RBFOX1: variants seen among roughly 807,000 people sequenced by gnomAD.
RBFOX1 encodes RNA binding protein fox-1 homolog 1.
RBFOX1 carries 8 observed loss-of-function variants against 57.7 expected under a neutral mutation model. The ratio of observed to expected loss-of-function variants is 0.14; its 90% CI spans 0.08 to 0.25. RBFOX1 has a LOEUF of 0.25. Among genes scored for constraint, RBFOX1 ranks in the 10% least tolerant of loss-of-function variants. RBFOX1 has a pLI of 1.00. For synonymous variants in RBFOX1, 326 were observed against 222.4 expected (o/e 1.47, Z -4.15); for missense variants, 611 against 548.5 (o/e 1.11, Z -1.14).
At chr16:6,086,116 T>A (rs1277743201) in intron 1 of RBFOX1, among the ~76,000 whole-genome samples, 1 of 152,172 alleles carries the variant, frequency 6.6e-6, no homozygotes, top group Non-Finnish European at 1.5e-5. Flanking sequence ...GGACGGTGGC[T>A]CCCAGCTTCA....
intron 1 of RBFOX1, among the ~76,000 whole-genome samples, chr16:5,342,685 A>G (rs981843145): frequency 5.3e-5 from 8 of 152,256 alleles, no homozygotes; most frequent in Middle Eastern, 3.4e-3. Context: ...TGCATTGTGA[A>G]GGAAGCCTTG....
chr16:6,552,571 T>C (rs2097012748), intron 2 of RBFOX1, among the ~76,000 whole-genome samples: 1 of 152,202 alleles, frequency 6.6e-6, no homozygotes, highest in Non-Finnish European at 1.5e-5. Flanking sequence ...TTGATGGCAA[T>C]GATAAACAAC....
intron 3 of RBFOX1, among the ~76,000 whole-genome samples, chr16:6,900,331 T>C (rs7201398): frequency 0.21 from 32,449 of 152,224 alleles, 3,538 homozygotes; most frequent in East Asian, 0.27. Flanking sequence ...CATCTCCCCC[T>C]GGAGCTACCA....
chr16:6,044,806 GC>G (rs1269981466), intron 1 of RBFOX1, among the ~76,000 whole-genome samples: 3 of 152,226 alleles, frequency 2.0e-5, no homozygotes, highest in Non-Finnish European at 2.9e-5. Context: ...CTGGGACACA[GC>G]CTGGTCCATT....
At chr16:7,219,723 C>G (rs776788055) in intron 4 of RBFOX1, among the ~76,000 whole-genome samples, 45 of 152,152 alleles carry the variant, frequency 3.0e-4, no homozygotes, top group Non-Finnish European at 4.6e-4. Flanking sequence ...AGCAGGGAAT[C>G]TTTAAGAGTG....
intron 2 of RBFOX1, among the ~76,000 whole-genome samples, chr16:6,429,506 TTGTC>T (rs568826222): frequency 2.6e-5 from 4 of 152,312 alleles, no homozygotes; most frequent in African/African-American, 4.8e-5. Context: ...GTGCACCTCT[TTGTC>T]TGTTTGTTCC....
intron 1 of RBFOX1, among the ~76,000 whole-genome samples, chr16:5,268,382 A>G (rs555450329): frequency 6.6e-6 from 1 of 152,362 alleles, no homozygotes; most frequent in Admixed American, 6.5e-5. Flanking sequence ...ATTTACTTAG[A>G]GTCAACAACA....
At chr16:7,212,419 C>T (rs112365108) in intron 4 of RBFOX1, among the ~76,000 whole-genome samples, 9 of 152,222 alleles carry the variant, frequency 5.9e-5, no homozygotes, top group Non-Finnish European at 1.0e-4. Context: ...CCCTCTTTCC[C>T]ACTATTTTAA....
intron 4 of RBFOX1, among the ~76,000 whole-genome samples, chr16:7,252,472 C>T (rs2094530127): frequency 2.6e-5 from 4 of 152,188 alleles, no homozygotes; most frequent in Non-Finnish European, 5.9e-5. Flanking sequence ...AATTCATCGT[C>T]AGCACTGAAG....
At chr16:6,526,907 C>T (rs1185522363) in intron 2 of RBFOX1, among the ~76,000 whole-genome samples, 1 of 149,122 alleles carries the variant, frequency 6.7e-6, no homozygotes, top group South Asian at 2.1e-4. Flanking sequence ...TATTACTATC[C>T]CCATGGTACA....
At chr16:7,433,221 G>C (rs912267068) in intron 4 of RBFOX1, among the ~76,000 whole-genome samples, 1 of 152,100 alleles carries the variant, frequency 6.6e-6, no homozygotes, top group Non-Finnish European at 1.5e-5. Flanking sequence ...TATGCAAAAA[G>C]GTTTTCTTGC....
chr16:6,345,925 C>T (rs1363875124), intron 2 of RBFOX1, among the ~76,000 whole-genome samples: 2 of 152,106 alleles, frequency 1.3e-5, no homozygotes, highest in African/African-American at 4.8e-5. Context: ...TCTGGAAAGG[C>T]AGGACAACTC....
intron 1 of RBFOX1, among the ~76,000 whole-genome samples, chr16:5,294,928 G>A (rs1028307286): frequency 6.7e-6 from 1 of 150,112 alleles, no homozygotes; most frequent in African/African-American, 2.4e-5. Context: ...TACTCAGGAG[G>A]CTGAGGCTGG....
rs374905828 is a variant in RBFOX1 at position 6,046,937 on chromosome 16, T to C, written c.-127+26945T>C. Among the ~76,000 whole-genome samples, 17 of 152,206 alleles carry C rather than the reference T, an allele frequency of 1.1e-4. 1 individual carries two copies. In the South Asian group the frequency reaches 3.3e-3, roughly 30 times the overall value. On this transcript the variant is annotated intron_variant, in intron 1 of 15. Transcript: ENST00000550418. ...TTCCTTGGCCAGATGTCTAAGTATA[T>C]GGTAACGGAGTTAATGGATGTTGGG...
intron 5 of RBFOX1, among the ~76,000 whole-genome samples, chr16:7,572,081 C>A: frequency 6.6e-6 from 1 of 152,194 alleles, no homozygotes; most frequent in Admixed American, 6.5e-5. Context: ...GAACCAAGAT[C>A]GCACCATTGC....
chr16:6,506,937 C>T (rs372565543), intron 2 of RBFOX1, among the ~76,000 whole-genome samples: 46 of 152,220 alleles, frequency 3.0e-4, no homozygotes, highest in Middle Eastern at 3.4e-3. Context: ...CATGAGCCAC[C>T]GTGCCCAGCC....
intron 4 of RBFOX1, among the ~76,000 whole-genome samples, chr16:7,320,290 C>T (rs138851587): frequency 5.3e-5 from 8 of 152,152 alleles, no homozygotes; most frequent in Non-Finnish European, 7.4e-5. Flanking sequence ...CATGTGTTCT[C>T]ATTGTTCAGC....
At position 6,060,122 on chromosome 16, in the gene RBFOX1, G is replaced by GTTTTTTTTTT. The variant is rs199690584; in HGVS notation, c.-127+40157_-127+40166dup. 6.0e-4 allele frequency among the ~76,000 whole-genome samples: 68 copies of GTTTTTTTTTT among 114,170 alleles called. 5 individuals carry two copies. Among genetic ancestry groups the GTTTTTTTTTT allele is most frequent in the African/African-American group, 1.3e-3 (35 of 27,752 alleles). 74.9% of individuals were successfully genotyped at this position (114,170 alleles called of 152,430 possible). ...ATTTGGCCCTAAAATTAGGATTAGG[G>GTTTTTTTTTT]TTTTTTTTTTTTTTTTTTTTTTTTT... On this transcript the variant is annotated intron_variant, in intron 1 of 15. Coordinates refer to ENST00000550418, the MANE Select transcript of RBFOX1 (RefSeq NM_018723.4).
At chr16:5,984,454 C>T (rs571742283) in intron 4 of RBFOX1, among the ~76,000 whole-genome samples, 7 of 151,732 alleles carry the variant, frequency 4.6e-5, no homozygotes, top group Non-Finnish European at 1.0e-4. Context: ...AATTATTATC[C>T]AGCCATAGTT....
Sources: allele counts gnomAD v4.1 joint callset (sites outside exome capture counted in the v4.1 genomes callset), GRCh38; gene constraint gnomAD v4.1.1; transcripts MANE v1.5; gene names NCBI Gene and HGNC (gene_info 2026-07-23, HGNC 2026-07-21).